The following MCTP2 variants were observed in gnomAD, a reference collection of about 807,000 sequenced individuals.
MCTP2 encodes the protein multiple C2 and transmembrane domain containing 2.
MCTP2 carries 132 observed loss-of-function variants against 111.6 expected under a neutral mutation model. The observed-to-expected ratio is 1.18, with a 90% CI of 1.03 to 1.37. MCTP2 has a LOEUF of 1.37. Among genes scored for constraint, MCTP2 ranks in the 40% most tolerant of loss-of-function variants. The pLI, the probability that MCTP2 is intolerant of heterozygous loss-of-function variation, is 0.00. For synonymous variants in MCTP2, 395 were observed against 387.7 expected (o/e 1.02, Z -0.22); for missense variants, 1,183 against 1,067.9 (o/e 1.11, Z -1.50).
intron 1 of MCTP2, among the ~76,000 whole-genome samples, chr15:94,256,300 C>T (rs1271789333): frequency 1.3e-5 from 2 of 152,076 alleles, no homozygotes; most frequent in African/African-American, 4.8e-5. Flanking sequence ...CCCAAGACAT[C>T]TCATTATGTA....
At chr15:94,455,812 T>C (rs953667683) in intron 19 of MCTP2, among the ~76,000 whole-genome samples, 2 of 152,166 alleles carry the variant, frequency 1.3e-5, no homozygotes, top group Admixed American at 6.5e-5. Flanking sequence ...TAATAACAAT[T>C]TCGTGCAATA....
chr15:94,243,459 GTATGCGTA>G (rs2071276556), intron 1 of MCTP2, among the ~76,000 whole-genome samples: 1 of 143,310 alleles, frequency 7.0e-6, no homozygotes, highest in South Asian at 2.1e-4. Flanking sequence ...GCGTACATGC[GTATGCGTA>G]TATGCGTATG....
At chr15:94,245,339 G>T (rs913013743) in intron 1 of MCTP2, among the ~76,000 whole-genome samples, 23 of 133,708 alleles carry the variant, frequency 1.7e-4, no homozygotes, top group Admixed American at 1.3e-3. Context: ...CATATGTGTA[G>T]ATATTTACAT....
intron 4 of MCTP2, among the ~76,000 whole-genome samples, chr15:94,316,748 A>G (rs1041845886): frequency 6.6e-6 from 1 of 151,848 alleles, no homozygotes; most frequent in South Asian, 2.1e-4. Flanking sequence ...TTTTCATTTC[A>G]TTGTAGGCAA....
chr15:94,331,526 C>G (rs1017010758), intron 4 of MCTP2, among the ~76,000 whole-genome samples: 1 of 152,056 alleles, frequency 6.6e-6, no homozygotes, highest in Non-Finnish European at 1.5e-5. Flanking sequence ...GGGAAGAATC[C>G]GAAGACCCAG....
At chr15:94,405,535 A>AC (rs763354802) in intron 17 of MCTP2, among the ~76,000 whole-genome samples, 3 of 152,196 alleles carry the variant, frequency 2.0e-5, no homozygotes, top group Non-Finnish European at 4.4e-5. Context: ...TTGCTAGATG[A>AC]CCCAAGCATC....
At chr15:94,244,407 C>T (rs150226928) in intron 1 of MCTP2, among the ~76,000 whole-genome samples, 5,411 of 147,426 alleles carry the variant, frequency 0.037, 205 homozygotes, top group East Asian at 0.12. Flanking sequence ...TATTTATATT[C>T]GTATATGTAT....
At chr15:94,278,403 A>AG (rs1409872455) in intron 1 of MCTP2, 2 of 152,202 alleles carry the variant, frequency 1.3e-5, no homozygotes, top group Non-Finnish European at 2.9e-5. Context: ...TTTGCAGTAA[A>AG]GGGTGCTTTA....
At chr15:94,328,367 A>G (rs1243838952) in intron 4 of MCTP2, among the ~76,000 whole-genome samples, 4 of 152,020 alleles carry the variant, frequency 2.6e-5, no homozygotes, top group Non-Finnish European at 5.9e-5. Flanking sequence ...TGACCTCGTG[A>G]TCCACCCGCC....
chr15:94,408,291 C>T (rs1182453919), intron 17 of MCTP2, among the ~76,000 whole-genome samples: 1 of 152,058 alleles, frequency 6.6e-6, no homozygotes, highest in Admixed American at 6.6e-5. Context: ...ATTTCAGTTA[C>T]AATAACCAGA....
At chr15:94,331,550 C>T (rs971775418) in intron 4 of MCTP2, among the ~76,000 whole-genome samples, 1 of 152,122 alleles carries the variant, frequency 6.6e-6, no homozygotes, top group South Asian at 2.1e-4. Context: ...GACCTCCTTC[C>T]CCAGTTCCCT....
In MCTP2 at chr15:94,277,458, G is replaced by A. The variant is rs541539482; in HGVS notation, c.-65-20743G>A. ...TCAGTAGTCAAATGGATAAACTATG[G>A]CACATCTAGACAATAGAATATTATT... On this transcript the variant is annotated intron_variant, in intron 1 of 22. Transcript: ENST00000357742. Among the ~76,000 whole-genome samples, 12 of 152,212 alleles carry A rather than the reference G, an allele frequency of 7.9e-5. No individual in the cohort carries two copies. The South Asian group carries it at 2.3e-3, about 29-fold the overall frequency.
At chr15:94,456,026 T>C (rs967304431) in intron 19 of MCTP2, among the ~76,000 whole-genome samples, 1 of 152,220 alleles carries the variant, frequency 6.6e-6, no homozygotes, top group African/African-American at 2.4e-5. Context: ...GAAAATAATG[T>C]ATTTGTGAAA....
At chr15:94,321,330 G>A (rs2076620919) in intron 4 of MCTP2, among the ~76,000 whole-genome samples, 1 of 152,162 alleles carries the variant, frequency 6.6e-6, no homozygotes, top group Non-Finnish European at 1.5e-5. Context: ...CAAATGATGT[G>A]TTTGAGGTGA....
intron 8 of MCTP2, among the ~76,000 whole-genome samples, chr15:94,352,389 T>G (rs927310063): frequency 4.6e-5 from 7 of 152,226 alleles, no homozygotes; most frequent in African/African-American, 1.7e-4. Context: ...TCACCTTTTC[T>G]GTTTTAGAAA....
In MCTP2 at chr15:94,251,507, C is replaced by T. The variant is rs540123000; in HGVS notation, c.-66+19843C>T. On this transcript the variant is annotated intron_variant, in intron 1 of 22. Coordinates refer to ENST00000357742, the MANE Select transcript of MCTP2 (RefSeq NM_001385001.1). ...CTGAGTAGCTAGGATTACAGGTGCC[C>T]GCCACCACGCCTGGCTAATTTTTGT... 5.3e-5 allele frequency among the ~76,000 whole-genome samples: 8 copies of T among 151,842 alleles called. No homozygotes were observed. The South Asian group carries it at 6.2e-4, about 12-fold the overall frequency.
At chr15:94,325,694 A>G (rs1290861761) in intron 4 of MCTP2, among the ~76,000 whole-genome samples, 3 of 151,848 alleles carry the variant, frequency 2.0e-5, no homozygotes, top group Non-Finnish European at 2.9e-5. Flanking sequence ...TTGAGGTTTA[A>G]TTTTCCCCAT....
rs760873755 is a variant in MCTP2 at position 94,339,372 on chromosome 15, A to G, written c.720A>G (p.Pro240=). Residue 240 remains proline (P), a synonymous_variant, in exon 5 of 23, where the codon CCA becomes CCG. Coordinates refer to ENST00000357742, the MANE Select transcript of MCTP2 (RefSeq NM_001385001.1). ...KSKVIYKNLN[P]VWDEIVVLPI... is the part of the protein sequence containing the mutation. ...AAGTCATATATAAGAACTTGAACCC[A>G]GTATGGGATGAGATAGTTGTATTGC... is the stretch of plus-strand genomic sequence containing the variant. 26 of 1,612,538 alleles carry G rather than the reference A, an allele frequency of 1.6e-5. No homozygotes were observed. The highest frequency in any genetic ancestry group is 2.0e-5 in the Non-Finnish European group (24 of 1,179,126).
chr15:94,439,776 T>C (rs1424387630), intron 17 of MCTP2, among the ~76,000 whole-genome samples: 1 of 152,222 alleles, frequency 6.6e-6, no homozygotes, highest in African/African-American at 2.4e-5. Flanking sequence ...CTCTGAAATA[T>C]TTGGATTTTT....
Sources: gnomAD v4.1 joint callset for allele counts (sites outside exome capture counted in the v4.1 genomes callset) on GRCh38, gnomAD v4.1.1 for gene constraint, MANE v1.5 for transcripts, NCBI Gene and HGNC (gene_info 2026-07-23, HGNC 2026-07-21) for gene names.